The following SLC45A3 variants were observed in gnomAD, a reference collection of about 807,000 sequenced individuals.
The protein encoded by SLC45A3 is solute carrier family 45 member 3.
In SLC45A3, 17 loss-of-function variants were observed where a neutral mutation model predicts 35.3. The observed-to-expected ratio is 0.48, with a 90% CI of 0.33 to 0.72. The LOEUF (loss-of-function observed/expected upper bound fraction) is 0.72. Ranked by LOEUF, SLC45A3 falls within the 30% of genes least tolerant of loss-of-function variation. The probability of loss-of-function intolerance (pLI) is 0.02; values close to 1 mark genes in which losing one functional copy is unlikely to be tolerated. For synonymous variants in SLC45A3, 288 were observed against 334.3 expected (o/e 0.86, Z 1.51); for missense variants, 597 against 731.7 (o/e 0.82, Z 2.12).
rs1671180497 is a variant in SLC45A3, at chr1:205,669,857, CG to C, written c.-230-4972del. Among the ~76,000 whole-genome samples, 1 of 152,226 alleles carries C rather than the reference CG, an allele frequency of 6.6e-6. No homozygotes were observed. The highest frequency in any genetic ancestry group is 2.4e-5 in the African/African-American group (1 of 41,462). On this transcript the variant is annotated intron_variant, in intron 1 of 4. Coordinates refer to ENST00000367145, the MANE Select transcript of SLC45A3 (RefSeq NM_033102.3). This position sits in a 1 kb window ranked among gnomAD's most constrained non-coding sequence, Gnocchi z 4.1. ...GTGGGGTCACCCTGGGCCAACCTCC[CG>C]GACACACACCCCACCAAGGCTGCCC...
intron 1 of SLC45A3, among the ~76,000 whole-genome samples, chr1:205,672,601 G>A (rs962881797): frequency 1.3e-5 from 2 of 152,190 alleles, no homozygotes; most frequent in African/African-American, 4.8e-5. Flanking sequence ...GTCTCAGAAC[G>A]TAACATGCCC....
intron 4 of SLC45A3, among the ~76,000 whole-genome samples, chr1:205,661,516 G>A (rs748347380): frequency 1.2e-4 from 18 of 152,104 alleles, no homozygotes; most frequent in Non-Finnish European, 2.6e-4. Context: ...AATGGCCCAG[G>A]GGTCATCTGA....
intron 1 of SLC45A3, among the ~76,000 whole-genome samples, chr1:205,676,767 T>C (rs1329272884): frequency 6.6e-6 from 1 of 152,178 alleles, no homozygotes; most frequent in Non-Finnish European, 1.5e-5. Flanking sequence ...GTGATGGCTC[T>C]GTCACCAGCT....
At chr1:205,674,886 T>C (rs1451626711) in intron 1 of SLC45A3, among the ~76,000 whole-genome samples, 1 of 151,988 alleles carries the variant, frequency 6.6e-6, no homozygotes, top group Non-Finnish European at 1.5e-5. Flanking sequence ...AGGCTAATTT[T>C]TGTATTTTTA....
chr1:205,675,888 G>C (rs553318698), intron 1 of SLC45A3, among the ~76,000 whole-genome samples: 1 of 152,204 alleles, frequency 6.6e-6, no homozygotes, highest in East Asian at 1.9e-4. Context: ...CAGCCCCCAG[G>C]GTTGGACGCT....
Position 205,666,666 on chromosome 1 carries a change from G to C in SLC45A3, c.-230-1780C>G, listed in dbSNP as rs1354948751. On this transcript the variant is annotated intron_variant, in intron 1 of 4. Coordinates refer to ENST00000367145, the MANE Select transcript of SLC45A3 (RefSeq NM_033102.3). This position sits in a 1 kb window ranked among gnomAD's most constrained non-coding sequence, Gnocchi z 4.1. ...AATCCTGCTCAGACTCACCCTTTGG[G>C]ATGGGGCACACGGCCTCCTACGGAG... is the stretch of plus-strand genomic sequence containing the variant. Among the ~76,000 whole-genome samples the C allele has an allele frequency of 6.6e-6, 1 of 152,240 alleles. No homozygotes were observed. Among genetic ancestry groups the C allele is most frequent in the Non-Finnish European group, 1.5e-5 (1 of 68,038 alleles).
Position 205,673,695 on chromosome 1 carries a change from A to C in SLC45A3, c.-231+6699T>G, listed in dbSNP as rs530467676. Reference sequence around the variant, plus strand: ...TAAGGCTTTATTAGATCTGAGTCCTAGAGTCTGTGATCAGTCCCATTTATA... The same window carrying C: ...TAAGGCTTTATTAGATCTGAGTCCTCGAGTCTGTGATCAGTCCCATTTATA... On this transcript the variant is annotated intron_variant, in intron 1 of 4. Transcript: ENST00000367145. 7.2e-5 allele frequency among the ~76,000 whole-genome samples: 11 copies of C among 152,336 alleles called. No individual in the cohort carries two copies. The South Asian group carries it at 2.3e-3, about 32-fold the overall frequency.
rs374154659 is a variant in SLC45A3, at chr1:205,669,801, C to T, written c.-230-4915G>A. On this transcript the variant is annotated intron_variant, in intron 1 of 4. Coordinates refer to ENST00000367145, the MANE Select transcript of SLC45A3 (RefSeq NM_033102.3). The surrounding 1 kb of genome is among the most constrained non-coding windows in gnomAD (Gnocchi z 4.1). ...GGGGAAATCGGGGGCTGGTGAGGCACGAGGAATAATGACTCAGCTGAGGAA... is the reference window on the plus strand; with the variant it reads ...GGGGAAATCGGGGGCTGGTGAGGCATGAGGAATAATGACTCAGCTGAGGAA... Among the ~76,000 whole-genome samples the T allele has an allele frequency of 7.9e-5, 12 of 152,338 alleles. No individual in the cohort carries two copies. Among genetic ancestry groups the T allele is most frequent in the African/African-American group, 2.6e-4 (11 of 41,588 alleles).
In SLC45A3 at chr1:205,659,591, A is replaced by C. The variant is rs113738580; in HGVS notation, c.1305T>G (p.Pro435=). Residue 435 remains proline (P), a synonymous_variant, in exon 5 of 5, where the codon CCT becomes CCG. Transcript: ENST00000367145. The surrounding 1 kb of genome is among the most constrained non-coding windows in gnomAD (Gnocchi z 5.8). ...DSLMTSFLPG[P]KPGAPFPNGH... is the part of the protein sequence containing the mutation. The stretch of plus-strand genomic sequence containing the variant: ...CATTAGGGAAGGGAGCTCCAGGCTT[A>C]GGGCCTGGCAGGAAGCTGGTCATCA... The C allele has an allele frequency of 4.5e-5, 71 of 1,569,524 alleles. 2 individuals are homozygous for C. The highest frequency in any genetic ancestry group is 4.5e-4 in the African/African-American group (33 of 73,738).
chr1:205,667,387 A>G (rs2102405917), intron 1 of SLC45A3, among the ~76,000 whole-genome samples: 1 of 152,268 alleles, frequency 6.6e-6, no homozygotes, highest in East Asian at 1.9e-4. Flanking sequence ...TGCGCCTACA[A>G]TCCCAGCTAC....
Position 205,663,105 on chromosome 1 carries a change from G to C in SLC45A3, c.686C>G (p.Ala229Gly). ...CAAGGAGGGGGCCGACAGCCCTTCT[G>C]CTGGCTCGGTGGGGCCCAGCGCTGC... Reference protein sequence around the residue: ...EEAALGPTEPAEGLSAPSLSP... With the variant: ...EEAALGPTEPGEGLSAPSLSP... The change falls in exon 3 of 5, where the codon GCA (alanine) becomes GGA (glycine). Residue 229 changes from alanine to glycine, a missense_variant. Ala to Gly is a moderately conservative substitution (Grantham distance 60). Transcript: ENST00000367145. The C allele has an allele frequency of 6.3e-7, 1 of 1,580,054 alleles. No individual in the cohort carries two copies. Among genetic ancestry groups the C allele is most frequent in the Non-Finnish European group, 8.5e-7 (1 of 1,170,066 alleles).
intron 4 of SLC45A3, among the ~76,000 whole-genome samples, chr1:205,660,057 C>A (rs952264733): frequency 2.0e-5 from 3 of 152,170 alleles, no homozygotes; most frequent in African/African-American, 7.2e-5. Flanking sequence ...AAAGCCAAGG[C>A]AGGGCCCCTG....
chr1:205,658,931 C>T lies in SLC45A3; in HGVS notation c.*303G>A, dbSNP rs1349138880. 1.6e-5 allele frequency: 6 copies of T among 382,952 alleles called. No individual in the cohort carries two copies. In the South Asian group the frequency reaches 1.9e-4, roughly 12 times the overall value. The allele number at this position is 382,952 out of a possible 1,614,324, so 23.7% of individuals were successfully genotyped here. ...GTTAACCCTGAGCCTGGGTAATCCA[C>T]CTGCAGAGTCCCCGCATTCCAGTGC... is the stretch of plus-strand genomic sequence containing the variant. On this transcript the variant is annotated 3_prime_UTR_variant, in exon 5 of 5. Transcript: ENST00000367145.
chr1:205,662,526 G>C lies in SLC45A3; in HGVS notation c.958+307C>G. ...AGAGGGCACACTGCGGCTGGAACCA[G>C]GCAGATCTGAAATCCAGCCTTAACT... On this transcript the variant is annotated intron_variant, in intron 3 of 4. Transcript: ENST00000367145. This position sits in a 1 kb window ranked among gnomAD's most constrained non-coding sequence, Gnocchi z 6.2. 1 of 1,292,766 alleles carries C rather than the reference G, an allele frequency of 7.7e-7. No individual in the cohort carries two copies. Among genetic ancestry groups the C allele is most frequent in the South Asian group, 2.5e-5 (1 of 40,124 alleles). The allele number at this position is 1,292,766 out of a possible 1,614,324, so 80.1% of individuals were successfully genotyped here. A position where few individuals can be genotyped will look rare whatever the true frequency, so the allele number is the denominator to read the frequency against.
chr1:205,670,381 C>T (rs1671190048), intron 1 of SLC45A3, among the ~76,000 whole-genome samples: 1 of 152,182 alleles, frequency 6.6e-6, no homozygotes, highest in Non-Finnish European at 1.5e-5. Context: ...TCTGCTTTCC[C>T]CAGTCTTGCC....
chr1:205,663,474 G>A lies in SLC45A3; in HGVS notation c.317C>T (p.Ala106Val). The change falls in exon 3 of 5, where the codon GCC becomes GTC. Residue 106 changes from alanine (A) to valine (V), a missense_variant. This residue lies in a region of SLC45A3 where 555 missense variants were observed against 664.9 expected (regional missense o/e 0.83). Coordinates refer to ENST00000367145, the MANE Select transcript of SLC45A3 (RefSeq NM_033102.3). ...GCACAGCAGCCCTGCTAGCCAGCCGGCCCTTGGGATGAGAAAGAGGCTCAG... is the reference window on the plus strand; with the variant it reads ...GCACAGCAGCCCTGCTAGCCAGCCGACCCTTGGGATGAGAAAGAGGCTCAG... Reference protein sequence around the residue: ...ILLSLFLIPRAGWLAGLLCPD... With the variant: ...ILLSLFLIPRVGWLAGLLCPD... 1 of 1,613,078 alleles carries A rather than the reference G, an allele frequency of 6.2e-7. No homozygotes were observed. The highest frequency in any genetic ancestry group is 8.5e-7 in the Non-Finnish European group (1 of 1,179,894).
Position 205,664,359 on chromosome 1 carries a change from G to T in SLC45A3, c.172+126C>A. 1 of 1,290,666 alleles carries T rather than the reference G, an allele frequency of 7.7e-7. No homozygotes were observed. The highest frequency in any genetic ancestry group is 1.1e-6 in the Non-Finnish European group (1 of 919,546). The allele number at this position is 1,290,666 out of a possible 1,614,324, so 80.0% of individuals were successfully genotyped here. The stretch of plus-strand genomic sequence containing the variant: ...CCCCTCAGCCCAGGGTCACCCTCCT[G>T]CCCAGCAATGCCTTCCCAGCAGACC... On this transcript the variant is annotated intron_variant, in intron 2 of 4. Transcript: ENST00000367145. The surrounding 1 kb of genome is among the most constrained non-coding windows in gnomAD (Gnocchi z 5.3).
Position 205,658,168 on chromosome 1 carries a change from A to T in SLC45A3, c.*1066T>A, listed in dbSNP as rs928553991. On this transcript the variant is annotated 3_prime_UTR_variant, in exon 5 of 5. Coordinates refer to ENST00000367145, the MANE Select transcript of SLC45A3 (RefSeq NM_033102.3). The stretch of plus-strand genomic sequence containing the variant: ...TGGTGGGGAAAGTTGGGGGTAGGGG[A>T]AAGTTGGGGGTAGGGGAAATTTTGG... 4.5e-6 allele frequency: 1 copy of T among 223,704 alleles called. No individual in the cohort carries two copies. The highest frequency in any genetic ancestry group is 8.9e-6 in the Non-Finnish European group (1 of 112,638). 13.9% of individuals were successfully genotyped at this position (223,704 alleles called of 1,614,324 possible). A position where few individuals can be genotyped will look rare whatever the true frequency, so the allele number is the denominator to read the frequency against.
At position 205,661,930 on chromosome 1, in the gene SLC45A3, G is replaced by C. The variant is rs16856106; in HGVS notation, c.1155C>G (p.Thr385=). Residue 385 remains threonine (T), a synonymous_variant, in exon 4 of 5, where the codon ACC becomes ACG. Transcript: ENST00000367145. The part of the protein sequence containing the change: ...VAVVTASAAL[T]GFTFSALQIL... ...TCTGCAGGGCTGAGAAGGTGAACCC[G>C]GTGAGGGCGGCTGAAGCTGTCACCA... The C allele has an allele frequency of 3.7e-6, 6 of 1,614,154 alleles. No individual in the cohort carries two copies. The South Asian group carries it at 6.6e-5, about 18-fold the overall frequency.
Sources: gnomAD v4.1 joint callset for allele counts (sites outside exome capture counted in the v4.1 genomes callset) on GRCh38, gnomAD v4.1.1 for gene constraint, gnomAD v4.1.1 regional missense constraint, Gnocchi (gnomAD v3.1) non-coding constraint, MANE v1.5 for transcripts, NCBI Gene and HGNC (gene_info 2026-07-23, HGNC 2026-07-21) for gene names.